The following SLCO3A1 variants were observed in gnomAD, a reference collection of about 807,000 sequenced individuals.
The protein encoded by SLCO3A1 is PGE1 transporter.
Under a neutral mutation model 63.1 loss-of-function variants are expected in SLCO3A1, and 27 were observed. That is an observed-to-expected ratio of 0.43 (90% CI 0.32 to 0.59). The LOEUF is 0.59. Among genes scored for constraint, SLCO3A1 ranks in the 20% least tolerant of loss-of-function variants. The pLI, the probability that SLCO3A1 is intolerant of heterozygous loss-of-function variation, is 0.09. For missense variants in SLCO3A1, 773 were observed against 945.8 expected (o/e 0.82, Z 2.40); for synonymous variants, 473 against 409.9 (o/e 1.15, Z -1.86).
At chr15:92,012,126 C>G (rs1311244714) in intron 2 of SLCO3A1, among the ~76,000 whole-genome samples, 1 of 152,244 alleles carries the variant, frequency 6.6e-6, no homozygotes, top group Non-Finnish European at 1.5e-5. Context: ...AACCCACTGT[C>G]ACTGAGGTTG....
chr15:91,887,272 G>A (rs954514531), intron 1 of SLCO3A1, among the ~76,000 whole-genome samples: 8 of 151,742 alleles, frequency 5.3e-5, no homozygotes, highest in Admixed American at 3.9e-4. Flanking sequence ...CCCCTTCCTC[G>A]GCCATTTTCC....
chr15:91,969,971 T>TTTG (rs1900800013), intron 2 of SLCO3A1, among the ~76,000 whole-genome samples: 1 of 152,206 alleles, frequency 6.6e-6, no homozygotes, highest in South Asian at 2.1e-4. Flanking sequence ...GTCAAAATCC[T>TTTG]CCAGCATAAC....
chr15:92,015,249 A>C (rs773975817), intron 2 of SLCO3A1, among the ~76,000 whole-genome samples: 1 of 152,066 alleles, frequency 6.6e-6, no homozygotes. Context: ...ATCCATTTTC[A>C]TACTGCTGTG....
intron 2 of SLCO3A1, among the ~76,000 whole-genome samples, chr15:91,970,604 C>T (rs933066868): frequency 1.3e-5 from 2 of 152,122 alleles, no homozygotes; most frequent in Non-Finnish European, 2.9e-5. Context: ...TCACAAGGAG[C>T]CCTAATGAAA....
chr15:92,005,880 C>A (rs1325813444), intron 2 of SLCO3A1, among the ~76,000 whole-genome samples: 2 of 152,170 alleles, frequency 1.3e-5, no homozygotes, highest in Non-Finnish European at 2.9e-5. Context: ...CACTGCTGAA[C>A]CTGCCACACA....
At chr15:92,111,573 C>T (rs775590446) in intron 4 of SLCO3A1, among the ~76,000 whole-genome samples, 2 of 152,294 alleles carry the variant, frequency 1.3e-5, no homozygotes, top group Admixed American at 6.5e-5. Flanking sequence ...TAGGTCCCCA[C>T]GGACCAGACT....
At chr15:91,899,813 C>A (rs552276466) in intron 1 of SLCO3A1, among the ~76,000 whole-genome samples, 1 of 152,308 alleles carries the variant, frequency 6.6e-6, no homozygotes, top group East Asian at 1.9e-4. Context: ...TTCTCCATAG[C>A]TTTCCATTTT....
At position 91,968,859 on chromosome 15, in the gene SLCO3A1, C is replaced by T. The variant is rs1900755687; in HGVS notation, c.646+52401C>T. Among the ~76,000 whole-genome samples, 3 of 152,148 alleles carry T rather than the reference C, an allele frequency of 2.0e-5. No homozygotes were observed. The highest frequency in any genetic ancestry group is 7.2e-5 in the African/African-American group (3 of 41,426). On this transcript the variant is annotated intron_variant, in intron 2 of 9. Coordinates refer to ENST00000318445, the MANE Select transcript of SLCO3A1 (RefSeq NM_013272.4). This position sits in a 1 kb window ranked among gnomAD's most constrained non-coding sequence, Gnocchi z 4.2. ...CTTTTTGCTTGGCACATTCTGGTTC[C>T]TCTGCATGGAGTCTCCTTTCTCTTT...
chr15:91,908,720 A>T (rs1028753371), intron 1 of SLCO3A1: 1 of 151,902 alleles, frequency 6.6e-6, no homozygotes, highest in Non-Finnish European at 1.5e-5. Flanking sequence ...CATCAGACAG[A>T]ACACTGAAGT....
Position 92,120,644 on chromosome 15 carries a change from A to G in SLCO3A1, c.1174+15A>G. On this transcript the variant is annotated intron_variant, in intron 5 of 9. Transcript: ENST00000318445. ...CCAGCTGCTTGGTGAGTGTGTCCTC[A>G]GGCCTCCTGAGAGGGTCGGGGGAGG... 1 of 1,605,078 alleles carries G rather than the reference A, an allele frequency of 6.2e-7. No individual in the cohort carries two copies. The highest frequency in any genetic ancestry group is 8.5e-7 in the Non-Finnish European group (1 of 1,173,178).
rs1457291243 is a variant in SLCO3A1, at chr15:91,948,069, G to C, written c.646+31611G>C. 1.3e-5 allele frequency among the ~76,000 whole-genome samples: 2 copies of C among 152,206 alleles called. No individual in the cohort carries two copies. Among genetic ancestry groups the C allele is most frequent in the Non-Finnish European group, 2.9e-5 (2 of 68,038 alleles). ...AATTCAGATGACAGATAGACGAATG[G>C]AGATAAAATAGAGATTGACTTCTGC... On this transcript the variant is annotated intron_variant, in intron 2 of 9. Coordinates refer to ENST00000318445, the MANE Select transcript of SLCO3A1 (RefSeq NM_013272.4). This position sits in a 1 kb window ranked among gnomAD's most constrained non-coding sequence, Gnocchi z 4.8.
intron 2 of SLCO3A1, among the ~76,000 whole-genome samples, chr15:91,927,426 T>A (rs542865300): frequency 1.6e-4 from 24 of 152,202 alleles, no homozygotes; most frequent in Non-Finnish European, 1.0e-4. Context: ...TTGGGGCAAT[T>A]AAAAACAAAG....
intron 1 of SLCO3A1, among the ~76,000 whole-genome samples, chr15:91,868,304 G>A (rs1381005609): frequency 2.7e-5 from 4 of 149,502 alleles, no homozygotes; most frequent in Non-Finnish European, 4.4e-5. Flanking sequence ...CACCTGGCTC[G>A]GCCTCACAAA....
intron 2 of SLCO3A1, among the ~76,000 whole-genome samples, chr15:92,067,304 C>A (rs2047163497): frequency 6.6e-6 from 1 of 152,188 alleles, no homozygotes; most frequent in Non-Finnish European, 1.5e-5. Context: ...CAAGTTCGAT[C>A]CCCTCCTCCC....
At chr15:92,077,093 A>T (rs1051423064) in intron 2 of SLCO3A1, among the ~76,000 whole-genome samples, 3 of 152,174 alleles carry the variant, frequency 2.0e-5, no homozygotes, top group Non-Finnish European at 4.4e-5. Flanking sequence ...AAAGCCCCGT[A>T]TAAACCCATC....
rs1330619070 is a variant in SLCO3A1, at chr15:92,112,856, G to A, written c.1010-7609G>A. ...TAAAGATGGGTATTTATGTCCATCGGGTATTTCACCCCCACTGTTTCTTTT... is the reference window on the plus strand; with the variant it reads ...TAAAGATGGGTATTTATGTCCATCGAGTATTTCACCCCCACTGTTTCTTTT... On this transcript the variant is annotated intron_variant, in intron 4 of 9. Transcript: ENST00000318445. Among the ~76,000 whole-genome samples, 3 of 152,180 alleles carry A rather than the reference G, an allele frequency of 2.0e-5. No individual in the cohort carries two copies. In the East Asian group the frequency reaches 5.8e-4, roughly 29 times the overall value.
intron 1 of SLCO3A1, among the ~76,000 whole-genome samples, chr15:91,907,426 G>A (rs928931380): frequency 8.6e-5 from 13 of 151,994 alleles, no homozygotes; most frequent in African/African-American, 2.9e-4. Context: ...GGCTGGTCTT[G>A]AACTGCTGAC....
At chr15:92,082,240 C>T (rs947139757) in intron 2 of SLCO3A1, among the ~76,000 whole-genome samples, 2 of 152,274 alleles carry the variant, frequency 1.3e-5, no homozygotes, top group East Asian at 3.9e-4. Context: ...TTTATTCATG[C>T]ACATATGATG....
At chr15:91,881,759 A>T (rs1021494361) in intron 1 of SLCO3A1, among the ~76,000 whole-genome samples, 1 of 152,162 alleles carries the variant, frequency 6.6e-6, no homozygotes, top group African/African-American at 2.4e-5. Flanking sequence ...TGCCGAGTCT[A>T]CCAGGAAGGG....
Sources: allele counts gnomAD v4.1 joint callset (sites outside exome capture counted in the v4.1 genomes callset), GRCh38; gene constraint gnomAD v4.1.1; non-coding constraint Gnocchi (gnomAD v3.1); transcripts MANE v1.5; gene names NCBI Gene and HGNC (gene_info 2026-07-23, HGNC 2026-07-21).